Variants in DDX10 observed in about 807,000 individuals in gnomAD.
DDX10 encodes the protein DEAD-box helicase 10, also known as probable ATP-dependent RNA helicase DDX10.
DDX10 carries 74 observed loss-of-function variants against 104.3 expected under a neutral mutation model. That is an observed-to-expected ratio of 0.71 (90% CI 0.59 to 0.86). The LOEUF is 0.86. DDX10 is among the 40% of genes least tolerant of loss of function. The pLI is 0.00. For missense variants in DDX10, 952 were observed against 1,040.0 expected, an observed-to-expected ratio of 0.92 and a Z score of 1.16; for synonymous variants, 351 against 353.4, an observed-to-expected ratio of 0.99 and a Z score of 0.08.
At chr11:108,738,354 TCTA>T (rs2094320842) in intron 13 of DDX10, among the ~76,000 whole-genome samples, 1 of 151,954 alleles carries the variant, frequency 6.6e-6, no homozygotes, top group Admixed American at 6.6e-5. Flanking sequence ...CTGAATTTAC[TCTA>T]CTTACTCATA....
intron 16 of DDX10, chr11:108,860,996 CA>C (rs1862934319): frequency 6.6e-6 from 1 of 152,008 alleles, no homozygotes; most frequent in Non-Finnish European, 1.5e-5. Flanking sequence ...TACTGAGTGT[CA>C]ACTTGATTGG....
intron 13 of DDX10, among the ~76,000 whole-genome samples, chr11:108,781,525 T>C: frequency 6.6e-6 from 1 of 152,220 alleles, no homozygotes; most frequent in East Asian, 1.9e-4. Flanking sequence ...CTGAACTATA[T>C]GGAGGGATTA....
chr11:108,683,780 A>G (rs2094238812), intron 6 of DDX10, among the ~76,000 whole-genome samples: 1 of 152,188 alleles, frequency 6.6e-6, no homozygotes, highest in African/African-American at 2.4e-5. Flanking sequence ...TCTGAGGTAC[A>G]GTTCTTACAG....
At chr11:108,678,176 C>G in intron 4 of DDX10, 139 bp from the exon 5 acceptor site, 1 of 816,806 alleles carries the variant, frequency 1.2e-6, no homozygotes, top group Non-Finnish European at 1.8e-6. Flanking sequence ...TTCAGAAATA[C>G]AAGGGAAAAG....
At chr11:108,923,627 A>T (rs772466466) in intron 17 of DDX10, among the ~76,000 whole-genome samples, 5 of 152,188 alleles carry the variant, frequency 3.3e-5, no homozygotes, top group Non-Finnish European at 5.9e-5. Flanking sequence ...TGCTTTCACA[A>T]AGCTTTTTGT....
intron 1 of DDX10, among the ~76,000 whole-genome samples, chr11:108,671,244 A>G (rs1591786475): frequency 6.6e-6 from 1 of 152,124 alleles, no homozygotes; most frequent in African/African-American, 2.4e-5. Flanking sequence ...GCTCACCACA[A>G]CCTCTGCCTC....
chr11:108,699,579 T>G (rs1414491515), intron 9 of DDX10, among the ~76,000 whole-genome samples: 1 of 152,128 alleles, frequency 6.6e-6, no homozygotes, highest in East Asian at 1.9e-4. Flanking sequence ...AAATGACAGC[T>G]GAGGGAGAGA....
chr11:108,713,046 T>A (rs997085113), intron 10 of DDX10, among the ~76,000 whole-genome samples: 1 of 152,168 alleles, frequency 6.6e-6, no homozygotes, highest in Non-Finnish European at 1.5e-5. Flanking sequence ...CTGTCTTTGT[T>A]CCTCTATAGA....
intron 17 of DDX10, among the ~76,000 whole-genome samples, chr11:108,922,502 G>A (rs1342011072): frequency 1.3e-5 from 2 of 152,168 alleles, no homozygotes; most frequent in African/African-American, 4.8e-5. Flanking sequence ...CTGTCAGTTG[G>A]AACTAGGCAA....
At chr11:108,891,831 A>G (rs916166337) in intron 16 of DDX10, among the ~76,000 whole-genome samples, 1 of 152,140 alleles carries the variant, frequency 6.6e-6, no homozygotes, top group Middle Eastern at 3.2e-3. Context: ...ATTCTCCAGA[A>G]CACTTTGTGG....
At chr11:108,807,592 A>G (rs1160316329) in intron 13 of DDX10, among the ~76,000 whole-genome samples, 1 of 152,232 alleles carries the variant, frequency 6.6e-6, no homozygotes, top group Non-Finnish European at 1.5e-5. Context: ...AAAGTAGCAG[A>G]CTGTGGTGAA....
rs548322485 is a variant in DDX10 at position 108,800,050 on chromosome 11, A to T, written c.1966-38396A>T. Among the ~76,000 whole-genome samples the T allele has an allele frequency of 1.2e-3, 188 of 151,930 alleles. 1 individual carries two copies. Among genetic ancestry groups the T allele is most frequent in the African/African-American group, 4.5e-3 (186 of 41,420 alleles). ...ATTCCTGGGCTTAAGTGATTCTCCC[A>T]CTTCAGCCTCCCGAGCAGCTGGGAT... On this transcript the variant is annotated intron_variant, in intron 13 of 17. Transcript: ENST00000322536.
chr11:108,714,426 T>A (rs555427549), intron 10 of DDX10, among the ~76,000 whole-genome samples: 18 of 152,344 alleles, frequency 1.2e-4, no homozygotes, highest in Middle Eastern at 3.4e-3. Context: ...AGAAGAGTTT[T>A]AAATTTTTTT....
intron 16 of DDX10, among the ~76,000 whole-genome samples, chr11:108,878,609 T>G (rs574636718): frequency 6.6e-6 from 1 of 152,358 alleles, no homozygotes; most frequent in Admixed American, 6.5e-5. Flanking sequence ...AAAGACTTCC[T>G]ATAATGTTTC....
intron 13 of DDX10, among the ~76,000 whole-genome samples, chr11:108,834,821 C>T (rs945246943): frequency 4.3e-5 from 6 of 139,250 alleles, no homozygotes; most frequent in African/African-American, 1.1e-4. Context: ...CCAGCTACTC[C>T]GGAGGCTGAG....
At chr11:108,735,727 C>T (rs2094317547) in intron 13 of DDX10, among the ~76,000 whole-genome samples, 1 of 150,492 alleles carries the variant, frequency 6.6e-6, no homozygotes, top group Non-Finnish European at 1.5e-5. Context: ...AAAAGTATTC[C>T]AGCTTTACTG....
intron 16 of DDX10, among the ~76,000 whole-genome samples, chr11:108,855,523 G>C (rs1416116185): frequency 6.6e-6 from 1 of 152,034 alleles, no homozygotes; most frequent in Non-Finnish European, 1.5e-5. Flanking sequence ...GCAGTGACGC[G>C]ATCTTGGCCC....
intron 7 of DDX10, among the ~76,000 whole-genome samples, 178 bp downstream of exon 7, chr11:108,689,240 A>G (rs1409522260): frequency 6.6e-6 from 1 of 152,222 alleles, no homozygotes; most frequent in Non-Finnish European, 1.5e-5. Flanking sequence ...ACAAGGACAG[A>G]AACTGTGTCT....
At chr11:108,813,504 C>G (rs1862215028) in intron 13 of DDX10, among the ~76,000 whole-genome samples, 4 of 152,040 alleles carry the variant, frequency 2.6e-5, no homozygotes, top group Admixed American at 2.6e-4. Flanking sequence ...ATGCAAATAA[C>G]TTGATTTTGT....
Sources: gnomAD v4.1 joint callset for allele counts (sites outside exome capture counted in the v4.1 genomes callset) on GRCh38, gnomAD v4.1.1 for gene constraint, MANE v1.5 for transcripts, NCBI Gene and HGNC (gene_info 2026-07-23, HGNC 2026-07-21) for gene names.